Variants in ZNF69 observed in about 807,000 individuals in gnomAD.
The protein encoded by ZNF69 is ZNF3.
Under a neutral mutation model 50.9 loss-of-function variants are expected in ZNF69, and 47 were observed. The observed-to-expected ratio is 0.92, with a 90% CI of 0.73 to 1.18. The LOEUF is 1.18. Ranked by LOEUF, ZNF69 falls within the 50% of genes most tolerant of loss-of-function variation. The pLI is 0.00. For missense variants in ZNF69, 717 were observed against 675.1 expected (o/e 1.06, Z -0.69); for synonymous variants, 216 against 223.1 (o/e 0.97, Z 0.29).
At chr19:11,907,126 G>GA (rs1972390039), downstream of ZNF69, among the ~76,000 whole-genome samples, 1 of 151,944 alleles carries the variant, frequency 6.6e-6, no homozygotes. Context: ...GAAGTTTAGA[G>GA]AAAAAAGAGT....
the ZNF69 span, chr19:11,948,992 G>A: frequency 1.9e-6 from 3 of 1,607,472 alleles, no homozygotes; most frequent in Middle Eastern, 5.0e-4. Context: ...TCTCTTCGTA[G>A]ACATGAAAGG....
chr19:11,971,916 G>A, the ZNF69 span, among the ~76,000 whole-genome samples: 1,387 of 152,186 alleles, frequency 9.1e-3, 29 homozygotes, highest in African/African-American at 0.032. Context: ...TACAAAATTA[G>A]CCAGGCGTGG....
chr19:11,950,604 G>A, the ZNF69 span: 2 of 463,676 alleles, frequency 4.3e-6, no homozygotes, highest in Non-Finnish European at 8.3e-6. Flanking sequence ...TCACACTTGG[G>A]AGAAACTCTA....
chr19:11,979,752 A>G, the ZNF69 span: 1 of 1,587,180 alleles, frequency 6.3e-7, no homozygotes, highest in East Asian at 2.3e-5. Context: ...TCTGCCCCAC[A>G]CCTTCGAATC....
chr19:11,978,859 G>A, the ZNF69 span: 1 of 1,613,636 alleles, frequency 6.2e-7, no homozygotes, highest in South Asian at 1.1e-5. Flanking sequence ...GAGAAGCCCT[G>A]TGAATGTAGC....
the ZNF69 span, among the ~76,000 whole-genome samples, chr19:11,930,999 C>CAA: frequency 4.0e-4 from 44 of 110,136 alleles, 4 homozygotes; most frequent in African/African-American, 1.5e-3. Context: ...AATTCCGTCT[C>CAA]AAAAAAAAAA....
At chr19:11,939,085 C>A in the ZNF69 span, among the ~76,000 whole-genome samples, 1 of 152,012 alleles carries the variant, frequency 6.6e-6, no homozygotes, top group Non-Finnish European at 1.5e-5. Flanking sequence ...TTGATTTTTT[C>A]TTGTAAATTT....
the ZNF69 span, chr19:11,948,853 C>G: frequency 1.2e-6 from 2 of 1,606,844 alleles, no homozygotes; most frequent in Non-Finnish European, 1.7e-6. Context: ...TGGGGAGAAG[C>G]CCTATGAATG....
chr19:11,939,501 G>A, the ZNF69 span, among the ~76,000 whole-genome samples: 2 of 152,156 alleles, frequency 1.3e-5, no homozygotes, highest in Admixed American at 6.5e-5. Flanking sequence ...CCCATTTGTT[G>A]TTTTTGTCAG....
chr19:11,932,791 C>T, the ZNF69 span, among the ~76,000 whole-genome samples: 2 of 147,202 alleles, frequency 1.4e-5, no homozygotes, highest in Non-Finnish European at 2.9e-5. Flanking sequence ...GCACCCGCCA[C>T]CCCGTCCGGC....
the ZNF69 span, chr19:11,978,654 C>A: frequency 6.2e-7 from 1 of 1,614,030 alleles, no homozygotes; most frequent in Non-Finnish European, 8.5e-7. Flanking sequence ...TGCTACCCAT[C>A]GAATACATGA....
chr19:11,947,208 G>T, the ZNF69 span: 1 of 1,613,914 alleles, frequency 6.2e-7, no homozygotes, highest in Non-Finnish European at 8.5e-7. Context: ...GGATGTGGCT[G>T]TGAACTTCAC....
At chr19:11,941,449 G>C in the ZNF69 span, among the ~76,000 whole-genome samples, 1 of 152,342 alleles carries the variant, frequency 6.6e-6, no homozygotes, top group Middle Eastern at 3.4e-3. Flanking sequence ...CCGTGGGAAG[G>C]CAGCTAAGGC....
chr19:11,919,883 G>A, the ZNF69 span, among the ~76,000 whole-genome samples: 1 of 152,070 alleles, frequency 6.6e-6, no homozygotes, highest in East Asian at 1.9e-4. Flanking sequence ...TGAGTCCATG[G>A]TATTTTGTTA....
At chr19:11,927,580 A>G in the ZNF69 span, among the ~76,000 whole-genome samples, 553 of 152,294 alleles carry the variant, frequency 3.6e-3, 5 homozygotes, top group African/African-American at 0.012. Flanking sequence ...TTCTATGTAA[A>G]GAATAAACTA....
chr19:11,978,869 C>T, the ZNF69 span: 1 of 1,613,734 alleles, frequency 6.2e-7, no homozygotes, highest in Non-Finnish European at 8.5e-7. Context: ...GTGAATGTAG[C>T]AAATGTAATA....
At chr19:11,919,696 G>T in the ZNF69 span, among the ~76,000 whole-genome samples, 1 of 152,098 alleles carries the variant, frequency 6.6e-6, no homozygotes, top group Non-Finnish European at 1.5e-5. Context: ...CTCTCACAAT[G>T]GGATGAGTAA....
chr19:11,949,104 A>G, the ZNF69 span: 1 of 1,612,038 alleles, frequency 6.2e-7, no homozygotes, highest in East Asian at 2.2e-5. Context: ...CTGGAGAAAG[A>G]CCTTATAAAT....
chr19:11,966,314 T>G, the ZNF69 span, among the ~76,000 whole-genome samples: 16 of 152,232 alleles, frequency 1.1e-4, no homozygotes, highest in East Asian at 2.9e-3. Context: ...TTTTCAGGGT[T>G]TTTTGGGGGT....
Sources: allele counts gnomAD v4.1 joint callset (sites outside exome capture counted in the v4.1 genomes callset), GRCh38; gene constraint gnomAD v4.1.1; transcripts MANE v1.5; gene names NCBI Gene and HGNC (gene_info 2026-07-23, HGNC 2026-07-21).